ASTN1: variants seen among roughly 807,000 people sequenced by gnomAD.
ASTN1 encodes the protein astrotactin-1.
A neutral mutation model predicts 140.7 loss-of-function variants in ASTN1; 41 were observed. The ratio of observed to expected loss-of-function variants is 0.29; its 90% confidence interval spans 0.23 to 0.38. The LOEUF is 0.38. Among genes scored for constraint, ASTN1 ranks in the 10% least tolerant of loss-of-function variants. The pLI is 1.00. For synonymous variants in ASTN1, 640 were observed against 652.2 expected (o/e 0.98, Z 0.29); for missense variants, 1,479 against 1,678.8 (o/e 0.88, Z 2.08).
At position 177,085,291 on chromosome 1, in the gene ASTN1, A is replaced by C. The variant is rs1679407271; in HGVS notation, c.284-24026T>G. Among the ~76,000 whole-genome samples the C allele has an allele frequency of 2.0e-5, 3 of 152,172 alleles. No homozygotes were observed. The South Asian group carries it at 6.2e-4, about 32-fold the overall frequency. The stretch of plus-strand genomic sequence containing the variant: ...TAAAGGATTTCTAGTGCTTCCTGAC[A>C]ACTAAAGAGATGAAGGAAAAGTATC... On this transcript the variant is annotated intron_variant, in intron 1 of 22. Coordinates refer to ENST00000361833, the MANE Select transcript of ASTN1 (RefSeq NM_004319.3).
chr1:177,050,582 T>TAG (rs1677489188), intron 2 of ASTN1, among the ~76,000 whole-genome samples: 1 of 152,168 alleles, frequency 6.6e-6, no homozygotes, highest in Non-Finnish European at 1.5e-5. Flanking sequence ...AGATTTATTA[T>TAG]AGAGAGAGAC....
chr1:177,124,886 A>G (rs1681569455), intron 1 of ASTN1, among the ~76,000 whole-genome samples: 1 of 152,226 alleles, frequency 6.6e-6, no homozygotes, highest in Non-Finnish European at 1.5e-5. Context: ...AGAGCTGCCT[A>G]CTATCTCAAG....
At chr1:177,064,474 G>T (rs755334577) in intron 1 of ASTN1, among the ~76,000 whole-genome samples, 5 of 152,164 alleles carry the variant, frequency 3.3e-5, no homozygotes, top group Non-Finnish European at 7.4e-5. Context: ...TGAGGAAGAA[G>T]GTCTTCTGCT....
At chr1:176,982,348 C>T (rs746818780) in intron 8 of ASTN1, among the ~76,000 whole-genome samples, 5 of 152,188 alleles carry the variant, frequency 3.3e-5, no homozygotes, top group Non-Finnish European at 7.3e-5. Context: ...AAGGGAATGC[C>T]TTTATGGTCC....
intron 16 of ASTN1, among the ~76,000 whole-genome samples, chr1:176,905,559 A>G (rs897870521): frequency 2.0e-5 from 3 of 152,140 alleles, no homozygotes; most frequent in Non-Finnish European, 2.9e-5. Flanking sequence ...AATTAACTAT[A>G]TCTGACAGAA....
At chr1:176,885,459 T>C (rs1668996084) in intron 18 of ASTN1, among the ~76,000 whole-genome samples, 1 of 152,212 alleles carries the variant, frequency 6.6e-6, no homozygotes, top group African/African-American at 2.4e-5. Flanking sequence ...TCCAATTCTG[T>C]GTTTCTTTCA....
At chr1:177,028,628 A>G (rs1330348972) in intron 5 of ASTN1, among the ~76,000 whole-genome samples, 1 of 152,194 alleles carries the variant, frequency 6.6e-6, no homozygotes, top group Non-Finnish European at 1.5e-5. Flanking sequence ...CCACTCAAAT[A>G]TCCTCTACTG....
intron 15 of ASTN1, 93 bp downstream of exon 15, chr1:176,936,173 G>GA: frequency 9.1e-7 from 1 of 1,093,936 alleles, no homozygotes; most frequent in Non-Finnish European, 1.4e-6. Context: ...ATTTTAGGCT[G>GA]CATCTTCGAC....
downstream of ASTN1, among the ~76,000 whole-genome samples, chr1:176,858,537 T>C (rs1241783981): frequency 6.6e-6 from 1 of 152,168 alleles, no homozygotes; most frequent in African/African-American, 2.4e-5. Context: ...AAAAGAACCA[T>C]TAAAGCATAG....
intron 1 of ASTN1, among the ~76,000 whole-genome samples, chr1:177,076,714 T>C (rs887606636): frequency 7.2e-5 from 11 of 151,772 alleles, no homozygotes; most frequent in Admixed American, 5.9e-4. Flanking sequence ...TAGAGACGAG[T>C]GTTTCACCAT....
intron 17 of ASTN1, among the ~76,000 whole-genome samples, chr1:176,892,426 T>A (rs189084199): frequency 3.9e-5 from 6 of 152,294 alleles, no homozygotes; most frequent in Non-Finnish European, 7.4e-5. Flanking sequence ...ATAAAATGGA[T>A]GTTGGGAATG....
chr1:177,148,352 A>G (rs371360871), intron 1 of ASTN1, among the ~76,000 whole-genome samples: 2 of 150,188 alleles, frequency 1.3e-5, no homozygotes, highest in South Asian at 4.3e-4. Flanking sequence ...CGGGAGGTGG[A>G]GGTTGCAGTG....
intron 1 of ASTN1, among the ~76,000 whole-genome samples, chr1:177,158,608 A>G (rs1412954419): frequency 6.6e-6 from 1 of 151,864 alleles, no homozygotes; most frequent in East Asian, 1.9e-4. Context: ...AGAAACTACT[A>G]GCCTTTTAAG....
intron 8 of ASTN1, 112 bp from the exon 9 acceptor site, chr1:176,965,349 G>T: frequency 1.0e-6 from 1 of 994,064 alleles, no homozygotes; most frequent in Non-Finnish European, 1.5e-6. Flanking sequence ...CCAGGGCATA[G>T]CCTCTGCCCT....
At chr1:176,951,301 T>C (rs1372694910) in intron 11 of ASTN1, among the ~76,000 whole-genome samples, 1 of 152,236 alleles carries the variant, frequency 6.6e-6, no homozygotes, top group Admixed American at 6.5e-5. Context: ...GCCACCCAGC[T>C]GTTAGGCCAG....
intron 1 of ASTN1, among the ~76,000 whole-genome samples, chr1:177,071,302 C>G (rs1251511017): frequency 6.6e-6 from 1 of 152,202 alleles, no homozygotes; most frequent in Non-Finnish European, 1.5e-5. Flanking sequence ...TTGTCAGGCA[C>G]TTAGCAAGGC....
chr1:176,905,163 T>C (rs1669930694), intron 16 of ASTN1, among the ~76,000 whole-genome samples: 1 of 152,182 alleles, frequency 6.6e-6, no homozygotes, highest in African/African-American at 2.4e-5. Context: ...TGGATAGTTC[T>C]ACAAAGGGTA....
chr1:177,083,124 A>T (rs941669722), intron 1 of ASTN1, among the ~76,000 whole-genome samples: 23 of 152,140 alleles, frequency 1.5e-4, no homozygotes, highest in Non-Finnish European at 3.1e-4. Flanking sequence ...ACTAGATTTT[A>T]TTACATTTGT....
intron 2 of ASTN1, among the ~76,000 whole-genome samples, chr1:177,058,533 T>G (rs1023939495): frequency 3.9e-5 from 6 of 152,186 alleles, no homozygotes; most frequent in Non-Finnish European, 7.4e-5. Flanking sequence ...CTCTTGTTCT[T>G]TCTCCATTTC....
Sources: gnomAD v4.1 joint callset for allele counts (sites outside exome capture counted in the v4.1 genomes callset) on GRCh38, gnomAD v4.1.1 for gene constraint, MANE v1.5 for transcripts, NCBI Gene and HGNC (gene_info 2026-07-23, HGNC 2026-07-21) for gene names.